EXOC6: variants seen among roughly 807,000 people sequenced by gnomAD.
EXOC6 encodes exocyst complex component 6, also known as SEC15-like 1.
A neutral mutation model predicts 112.5 loss-of-function variants in EXOC6; 60 were observed. The observed-to-expected ratio is 0.53, with a 90% CI of 0.43 to 0.66. EXOC6 has a LOEUF of 0.66. Among genes scored for constraint, EXOC6 ranks in the 30% least tolerant of loss-of-function variants. The pLI is 0.00. For missense variants in EXOC6, 855 were observed against 957.1 expected, an observed-to-expected ratio of 0.89 and a Z score of 1.41; for synonymous variants, 295 against 308.0, an observed-to-expected ratio of 0.96 and a Z score of 0.44.
intron 17 of EXOC6, among the ~76,000 whole-genome samples, chr10:92,965,025 A>G (rs1589928009): frequency 6.6e-6 from 1 of 152,172 alleles, no homozygotes; most frequent in East Asian, 1.9e-4. Context: ...GGGACTGGTA[A>G]TTGACTTAAA....
chr10:92,851,528 T>C (rs1343424033), intron 1 of EXOC6, among the ~76,000 whole-genome samples: 1 of 152,044 alleles, frequency 6.6e-6, no homozygotes, highest in Non-Finnish European at 1.5e-5. Flanking sequence ...CACACGCTTG[T>C]AATCCCAGCT....
intron 1 of EXOC6, among the ~76,000 whole-genome samples, chr10:92,861,711 A>G (rs1298851986): frequency 6.6e-6 from 1 of 152,300 alleles, no homozygotes; most frequent in East Asian, 1.9e-4. Flanking sequence ...GATGTGGGTC[A>G]TGGGTCAAGG....
At chr10:93,039,439 A>T (rs1845663854) in intron 20 of EXOC6, among the ~76,000 whole-genome samples, 1 of 152,150 alleles carries the variant, frequency 6.6e-6, no homozygotes, top group Non-Finnish European at 1.5e-5. Flanking sequence ...GACTTCCAAA[A>T]ATCTAACCCC....
intron 1 of EXOC6, among the ~76,000 whole-genome samples, chr10:92,840,649 T>C (rs890295206): frequency 1.3e-5 from 2 of 151,954 alleles, no homozygotes; most frequent in African/African-American, 4.8e-5. Context: ...AATAATCGCA[T>C]ATATTTAGAG....
At chr10:92,828,354 T>A (rs1846419014) in intron 1 of EXOC6, among the ~76,000 whole-genome samples, 2 of 152,184 alleles carry the variant, frequency 1.3e-5, no homozygotes, top group Non-Finnish European at 2.9e-5. Context: ...TTGCTTGTTT[T>A]AATGAGTCTT....
At chr10:93,017,385 T>C (rs1049206924) in intron 20 of EXOC6, among the ~76,000 whole-genome samples, 2 of 150,990 alleles carry the variant, frequency 1.3e-5, no homozygotes, top group African/African-American at 4.9e-5. Context: ...GGTCAGGAGA[T>C]AGAAACCATC....
chr10:92,899,249 C>T (rs1456897981), intron 4 of EXOC6, among the ~76,000 whole-genome samples: 1 of 152,194 alleles, frequency 6.6e-6, no homozygotes, highest in East Asian at 1.9e-4. Flanking sequence ...TCTAAAGTTC[C>T]AGTTCTATTT....
chr10:92,911,624 G>T (rs1197148553), intron 6 of EXOC6, among the ~76,000 whole-genome samples: 1 of 152,112 alleles, frequency 6.6e-6, no homozygotes, highest in Non-Finnish European at 1.5e-5. Flanking sequence ...GGAGAGAATA[G>T]ACTCTCTTGG....
chr10:93,004,127 C>T (rs1843876034), intron 19 of EXOC6, among the ~76,000 whole-genome samples: 1 of 152,080 alleles, frequency 6.6e-6, no homozygotes, highest in African/African-American at 2.4e-5. Context: ...AAAAGCTTAA[C>T]CTTCATCAGT....
intron 17 of EXOC6, among the ~76,000 whole-genome samples, chr10:92,962,976 C>T (rs1564866601): frequency 6.6e-6 from 1 of 152,082 alleles, no homozygotes. Flanking sequence ...TGCCTGGACC[C>T]TGAAGGCATT....
intron 18 of EXOC6, among the ~76,000 whole-genome samples, chr10:92,974,736 T>C (rs1196635219): frequency 6.6e-6 from 1 of 152,168 alleles, no homozygotes; most frequent in East Asian, 1.9e-4. Context: ...TGACTGGTTT[T>C]CGTATTTTTT....
Position 92,975,254 on chromosome 10 carries a change from C to G in EXOC6, c.1953+1022C>G, listed in dbSNP as rs545024791. ...GATGTGAGGAGCGCCTCTACCCGGCCGCGACCCCGTCTGGGAGGTGAGGAG... is the reference window on the plus strand; with the variant it reads ...GATGTGAGGAGCGCCTCTACCCGGCGGCGACCCCGTCTGGGAGGTGAGGAG... On this transcript the variant is annotated intron_variant, in intron 18 of 21. Transcript: ENST00000260762. Among the ~76,000 whole-genome samples, 696 of 151,388 alleles carry G rather than the reference C, an allele frequency of 4.6e-3. 5 individuals are homozygous for G. The highest frequency in any genetic ancestry group is 0.016 in the African/African-American group (657 of 41,246).
At chr10:92,884,168 G>A (rs192278199) in intron 1 of EXOC6, among the ~76,000 whole-genome samples, 47 of 152,222 alleles carry the variant, frequency 3.1e-4, no homozygotes, top group African/African-American at 1.1e-3. Context: ...CAAAGTGCTG[G>A]GATTACAGGC....
intron 20 of EXOC6, among the ~76,000 whole-genome samples, chr10:93,044,594 A>T (rs1845921737): frequency 6.6e-6 from 1 of 152,156 alleles, no homozygotes. Context: ...GGGCCTCAGT[A>T]TATAAACTGA....
At chr10:93,010,572 G>A (rs557045784) in intron 19 of EXOC6, among the ~76,000 whole-genome samples, 82 of 151,914 alleles carry the variant, frequency 5.4e-4, no homozygotes, top group African/African-American at 1.9e-3. Flanking sequence ...GGTGGCATAC[G>A]TCTGTAATCC....
chr10:93,051,377 T>A (rs1185549096), intron 20 of EXOC6, among the ~76,000 whole-genome samples: 2 of 152,232 alleles, frequency 1.3e-5, no homozygotes, highest in Non-Finnish European at 2.9e-5. Context: ...AGAGCAAGTC[T>A]AGCAGATGGG....
chr10:92,839,926 C>T (rs576404382), intron 1 of EXOC6, among the ~76,000 whole-genome samples: 6 of 152,142 alleles, frequency 3.9e-5, no homozygotes, highest in South Asian at 2.1e-4. Flanking sequence ...TACAAGATGA[C>T]GTACCAGAAG....
chr10:93,047,052 A>G (rs1564937295), intron 20 of EXOC6, among the ~76,000 whole-genome samples: 1 of 152,244 alleles, frequency 6.6e-6, no homozygotes, highest in Non-Finnish European at 1.5e-5. Context: ...ATGGGGAGCC[A>G]TCAAAGGTTT....
At chr10:92,902,197 TGTG>T (rs1188051917) in intron 5 of EXOC6, among the ~76,000 whole-genome samples, 10 of 152,136 alleles carry the variant, frequency 6.6e-5, no homozygotes, top group Admixed American at 1.3e-4. Flanking sequence ...TGTCCTTTGA[TGTG>T]GTGGGTACTT....
Sources: allele counts gnomAD v4.1 joint callset (sites outside exome capture counted in the v4.1 genomes callset), GRCh38; gene constraint gnomAD v4.1.1; transcripts MANE v1.5; gene names NCBI Gene and HGNC (gene_info 2026-07-23, HGNC 2026-07-21).